Variants in PROM1 observed in about 807,000 individuals in gnomAD.
The protein encoded by PROM1 is prominin 1.
In PROM1, 105 loss-of-function variants were observed where a neutral mutation model predicts 116.9. The ratio of observed to expected loss-of-function variants is 0.90; its 90% CI spans 0.77 to 1.06. The LOEUF is 1.06. PROM1 is among the 50% of genes least tolerant of loss of function. The pLI, the probability that PROM1 is intolerant of heterozygous loss-of-function variation, is 0.00. For missense variants in PROM1, 1,122 were observed against 1,045.2 expected (o/e 1.07, Z -1.01); for synonymous variants, 393 against 387.0 (o/e 1.02, Z -0.18).
intron 24 of PROM1, among the ~76,000 whole-genome samples, chr4:15,980,123 C>T (rs1477442335): frequency 2.0e-5 from 3 of 151,666 alleles, no homozygotes; most frequent in Non-Finnish European, 4.4e-5. Context: ...AGTGTAAAAA[C>T]AGTTATCATA....
At chr4:16,068,122 G>C (rs1378104020) in intron 2 of PROM1, among the ~76,000 whole-genome samples, 1 of 152,084 alleles carries the variant, frequency 6.6e-6, no homozygotes, top group African/African-American at 2.4e-5. Flanking sequence ...TCCAGGTGAG[G>C]GCTGGTCCCT....
chr4:15,993,987 C>G lies in PROM1; in HGVS notation c.1767G>C (p.Glu589Asp), dbSNP rs1187150199. 1 of 1,613,088 alleles carries G rather than the reference C, an allele frequency of 6.2e-7. No individual in the cohort carries two copies. Among genetic ancestry groups the G allele is most frequent in the Non-Finnish European group, 8.5e-7 (1 of 1,179,436 alleles). The part of the protein sequence containing the change: ...FNISEHLNIN[E>D]HTGSISSELE... ...CGATTCCATGACGAGTTCTAATTAC[C>G]TCATTAATGTTGAGATGTTCACTGA... Residue 589 changes from glutamate to aspartate, a missense_variant and splice_region_variant, in exon 16 of 28, where the codon GAG becomes GAC. By Grantham distance (45) the Glu-to-Asp change is conservative (BLOSUM62 2). Transcript: ENST00000447510.
chr4:15,971,589 A>G (rs188914512), intron 26 of PROM1: 1 of 152,872 alleles, frequency 6.5e-6, no homozygotes, highest in East Asian at 1.9e-4. Context: ...AGTGTCCTCT[A>G]AAGTGACTCT....
chr4:16,054,001 G>A (rs756145684), intron 2 of PROM1, among the ~76,000 whole-genome samples: 67 of 152,238 alleles, frequency 4.4e-4, no homozygotes, highest in Non-Finnish European at 8.2e-4. Flanking sequence ...GGCCAAGGCA[G>A]GAGAATCGCT....
intron 13 of PROM1, among the ~76,000 whole-genome samples, chr4:16,005,026 G>C (rs1309394653): frequency 1.4e-5 from 2 of 139,922 alleles, no homozygotes; most frequent in South Asian, 4.6e-4. Flanking sequence ...CAGTTGGCAC[G>C]ATCTCGGCTC....
intron 5 of PROM1, among the ~76,000 whole-genome samples, chr4:16,029,600 C>T (rs1451380555): frequency 6.6e-6 from 1 of 152,156 alleles, no homozygotes; most frequent in Non-Finnish European, 1.5e-5. Context: ...AGAACATGCC[C>T]ACGTAGATTG....
rs184812723 is a variant in PROM1, at chr4:16,033,741, G to A, written c.304-232C>T. ...AGTACTGTATTTTTAGTAGAGACAGGGTTTCACCATGTTGTCCAGGCTGGT... is the reference window on the plus strand; with the variant it reads ...AGTACTGTATTTTTAGTAGAGACAGAGTTTCACCATGTTGTCCAGGCTGGT... On this transcript the variant is annotated intron_variant, in intron 4 of 27. Coordinates refer to ENST00000447510, the MANE Select transcript of PROM1 (RefSeq NM_006017.3). Among the ~76,000 whole-genome samples the A allele has an allele frequency of 5.3e-5, 8 of 151,724 alleles. No individual in the cohort carries two copies. In the East Asian group the frequency reaches 9.7e-4, roughly 18 times the overall value.
chr4:16,004,315 C>G (rs930265414), intron 13 of PROM1, among the ~76,000 whole-genome samples: 1 of 152,140 alleles, frequency 6.6e-6, no homozygotes, highest in Admixed American at 6.5e-5. Flanking sequence ...GCCTCCATGC[C>G]ACAGGTCTCC....
intron 14 of PROM1, 89 bp from the exon 15 acceptor site, chr4:15,998,577 T>C (rs1328133140): frequency 3.9e-6 from 5 of 1,276,248 alleles, no homozygotes; most frequent in African/African-American, 3.1e-5. Context: ...GTTGAATGTA[T>C]TTTGGAAATT....
In PROM1 at chr4:16,025,265, C is replaced by G; in HGVS notation, c.557G>C (p.Arg186Pro). ...TGCCAGTTTCCGACTCCTTTTGATC[C>G]GGGTTCTTACCTGGTGATTTGCCAC... The part of the protein sequence containing the change: ...GFVANHQVRT[R>P]IKRSRKLADS... Residue 186 changes from arginine (R) to proline (P), a missense_variant, in exon 6 of 28, where the codon CGG becomes CCG. Coordinates refer to ENST00000447510, the MANE Select transcript of PROM1 (RefSeq NM_006017.3). 1 of 1,613,900 alleles carries G rather than the reference C, an allele frequency of 6.2e-7. No individual in the cohort carries two copies. Among genetic ancestry groups the G allele is most frequent in the South Asian group, 1.1e-5 (1 of 91,082 alleles).
chr4:16,077,720 G>A (rs569650675), intron 1 of PROM1, among the ~76,000 whole-genome samples: 2 of 152,212 alleles, frequency 1.3e-5, no homozygotes, highest in South Asian at 4.2e-4. Context: ...TCCCTTCAGT[G>A]CCCTCCCTCT....
Position 16,023,988 on chromosome 4 carries a change from T to C in PROM1, c.694+307A>G, listed in dbSNP as rs538461878. ...GCTGGCTGCGTCTGTGCAGGGCACC[T>C]GGCAGGAAAACAATCTTTCCCTCAC... On this transcript the variant is annotated intron_variant, in intron 7 of 27. Transcript: ENST00000447510. Among the ~76,000 whole-genome samples, 3 of 152,332 alleles carry C rather than the reference T, an allele frequency of 2.0e-5. No individual in the cohort carries two copies. The South Asian group carries it at 6.2e-4, about 32-fold the overall frequency.
At chr4:15,990,908 T>C (rs1174995064) in intron 18 of PROM1, among the ~76,000 whole-genome samples, 1 of 152,250 alleles carries the variant, frequency 6.6e-6, no homozygotes, top group Non-Finnish European at 1.5e-5. Flanking sequence ...TGCTACTTTC[T>C]GCACACTGCC....
intron 12 of PROM1, among the ~76,000 whole-genome samples, chr4:16,007,683 G>T (rs1344423711): frequency 6.6e-6 from 1 of 152,212 alleles, no homozygotes; most frequent in Non-Finnish European, 1.5e-5. Context: ...ATAGTGTCAG[G>T]GCAGGGGGAA....
rs766012920 is a variant in PROM1, at chr4:16,038,931, C to A, written c.276+15G>T. 26 of 1,462,480 alleles carry A rather than the reference C, an allele frequency of 1.8e-5. No individual in the cohort carries two copies. Among genetic ancestry groups the A allele is most frequent in the South Asian group, 1.5e-5 (1 of 67,016 alleles). 90.6% of individuals were successfully genotyped at this position (1,462,480 alleles called of 1,614,324 possible). On this transcript the variant is annotated intron_variant, in intron 3 of 27. Transcript: ENST00000447510. ...CTTCGTATTTTTAATAATAAATACA[C>A]CAATGAAAAATTACCTTGTCATAAT... is the stretch of plus-strand genomic sequence containing the variant.
intron 3 of PROM1, among the ~76,000 whole-genome samples, chr4:16,036,688 C>A (rs1734017389): frequency 6.6e-6 from 1 of 152,208 alleles, no homozygotes; most frequent in African/African-American, 2.4e-5. Context: ...GTTCCCTGAG[C>A]CTCCCAAATA....
chr4:16,023,506 C>T (rs1291448765), intron 7 of PROM1, 91 bp from the exon 8 acceptor site: 1 of 1,065,200 alleles, frequency 9.4e-7, no homozygotes, highest in East Asian at 2.6e-5. Context: ...TCAAGCCCCT[C>T]CTGCTGCAAA....
chr4:16,026,473 TA>T (rs33952846), intron 5 of PROM1, among the ~76,000 whole-genome samples: 54,095 of 152,016 alleles, frequency 0.36, 10,907 homozygotes, highest in African/African-American at 0.53. Flanking sequence ...GTTTTAGAAC[TA>T]AAGTTTTGCA....
At chr4:16,023,154 GA>G (rs1473817106) in intron 8 of PROM1, among the ~76,000 whole-genome samples, 171 bp downstream of exon 8, 1 of 152,090 alleles carries the variant, frequency 6.6e-6, no homozygotes, top group Non-Finnish European at 1.5e-5. Context: ...CTTTAATAAA[GA>G]GCACCACCAA....
Sources: allele counts gnomAD v4.1 joint callset (sites outside exome capture counted in the v4.1 genomes callset), GRCh38; gene constraint gnomAD v4.1.1; transcripts MANE v1.5; gene names NCBI Gene and HGNC (gene_info 2026-07-23, HGNC 2026-07-21).